The following PUS1 variants were observed in gnomAD, a reference collection of about 807,000 sequenced individuals.
PUS1 encodes pseudouridine synthase 1.
A neutral mutation model predicts 38.5 loss-of-function variants in PUS1; 25 were observed. The ratio of observed to expected loss-of-function variants is 0.65; its 90% CI spans 0.47 to 0.91. PUS1 has a LOEUF of 0.91. Among genes scored for constraint, PUS1 ranks in the 40% least tolerant of loss-of-function variants. PUS1 has a pLI of 0.00. For missense variants in PUS1, 597 were observed against 612.3 expected, an observed-to-expected ratio of 0.97 and a Z score of 0.26; for synonymous variants, 282 against 260.4, an observed-to-expected ratio of 1.08 and a Z score of -0.80.
chr12:131,943,282 CCT>C (rs1442571372), intron 5 of PUS1, among the ~76,000 whole-genome samples: 1 of 152,222 alleles, frequency 6.6e-6, no homozygotes, highest in Non-Finnish European at 1.5e-5. Context: ...TTTATTTTCC[CCT>C]GTGGTCAGTG....
At chr12:131,931,089 A>G (rs1216106572) in intron 2 of PUS1, among the ~76,000 whole-genome samples, 1 of 152,258 alleles carries the variant, frequency 6.6e-6, no homozygotes, top group Non-Finnish European at 1.5e-5. Context: ...GACTGAAACA[A>G]AAGTTTAAGA....
intron 3 of PUS1, among the ~76,000 whole-genome samples, chr12:131,937,290 TGAGCACCCACATAGTCTTCC>T (rs1890873540): frequency 6.6e-6 from 1 of 152,216 alleles, no homozygotes; most frequent in South Asian, 2.1e-4. Context: ...GTGGGTGCCA[TGAGCACCCACATAGTCTTCC>T]CAGATTCACC....
Position 131,939,023 on chromosome 12 carries a change from G to A in PUS1, c.442-150G>A, listed in dbSNP as rs971781066. 11 of 689,286 alleles carry A rather than the reference G, an allele frequency of 1.6e-5. No homozygotes were observed. The South Asian group carries it at 1.7e-4, about 11-fold the overall frequency. The allele number at this position is 689,286 out of a possible 1,614,324, so 42.7% of individuals were successfully genotyped here. A position where few individuals can be genotyped will look rare whatever the true frequency, so the allele number is the denominator to read the frequency against. On this transcript the variant is annotated intron_variant, in intron 3 of 5. Coordinates refer to ENST00000376649, the MANE Select transcript of PUS1 (RefSeq NM_025215.6). Reference sequence around the variant, plus strand: ...CCCAAAGTACTGGGATTACAGGCGTGAGCCACTATGCCCGGCCCTCCAGAT... The same window carrying A: ...CCCAAAGTACTGGGATTACAGGCGTAAGCCACTATGCCCGGCCCTCCAGAT...
Position 131,941,884 on chromosome 12 carries a change from C to T in PUS1, c.1137C>T (p.Gly379=), listed in dbSNP as rs1891091996. 1.2e-6 allele frequency: 2 copies of T among 1,613,562 alleles called. No homozygotes were observed. The highest frequency in any genetic ancestry group is 1.7e-6 in the Non-Finnish European group (2 of 1,180,042). Reference sequence around the variant, plus strand: ...AGCACATCTACCCCACCATCATCGGCACCGAGCGGGACGAACGCTCCATGG... The same window carrying T: ...AGCACATCTACCCCACCATCATCGGTACCGAGCGGGACGAACGCTCCATGG... ...KEEHIYPTII[G]TERDERSMAQ... The change falls in exon 5 of 6, where the codon GGC becomes GGT. Residue 379 remains glycine, a synonymous_variant. Transcript: ENST00000376649. This position sits in a 1 kb window ranked among gnomAD's most constrained non-coding sequence, Gnocchi z 4.4.
At chr12:131,938,596 C>T (rs1890930623) in intron 3 of PUS1, among the ~76,000 whole-genome samples, 1 of 152,182 alleles carries the variant, frequency 6.6e-6, no homozygotes. Flanking sequence ...CAGAAGGCCC[C>T]TCCCTTTCCT....
chr12:131,929,941 C>G lies in PUS1; in HGVS notation c.109C>G (p.Pro37Ala). 1 of 1,490,514 alleles carries G rather than the reference C, an allele frequency of 6.7e-7. No individual in the cohort carries two copies. Among genetic ancestry groups the G allele is most frequent in the Non-Finnish European group, 8.9e-7 (1 of 1,128,224 alleles). The allele number at this position is 1,490,514 out of a possible 1,614,324, so 92.3% of individuals were successfully genotyped here. A position where few individuals can be genotyped will look rare whatever the true frequency, so the allele number is the denominator to read the frequency against. The change falls in exon 2 of 6, where the codon CCC becomes GCC. Residue 37 changes from proline (P) to alanine (A), a missense_variant. By Grantham distance (27) the Pro-to-Ala change is conservative. Transcript: ENST00000376649. ...CATGGCCGGGAACGCGGAGCCGCCG[C>G]CCGCCGGAGCCGCATGCCCCCAGGA... Reference protein sequence around the residue: ...PRMAGNAEPPPAGAACPQDRR... With the variant: ...PRMAGNAEPPAAGAACPQDRR...
chr12:131,943,011 G>T (rs1891157588), intron 5 of PUS1, among the ~76,000 whole-genome samples: 1 of 152,260 alleles, frequency 6.6e-6, no homozygotes, highest in Admixed American at 6.5e-5. Context: ...TCGTGGCTCA[G>T]TGGCAGCTGG....
chr12:131,942,722 T>C (rs1462062592), intron 5 of PUS1, among the ~76,000 whole-genome samples: 1 of 152,188 alleles, frequency 6.6e-6, no homozygotes, highest in Non-Finnish European at 1.5e-5. Flanking sequence ...AGTTCTTTCA[T>C]GGTGGCCCAG....
intron 3 of PUS1, among the ~76,000 whole-genome samples, chr12:131,934,401 C>T (rs907398413): frequency 5.9e-5 from 9 of 152,168 alleles, no homozygotes; most frequent in African/African-American, 2.2e-4. Context: ...TCAAGCGACC[C>T]TTATCTGGGC....
chr12:131,936,430 G>GCC (rs1890836369), intron 3 of PUS1, among the ~76,000 whole-genome samples: 2 of 36,630 alleles, frequency 5.5e-5, no homozygotes, highest in African/African-American at 8.9e-5. Flanking sequence ...AGGTGTGGTG[G>GCC]TGCACGCCTG....
At chr12:131,930,241 G>T in intron 2 of PUS1, 106 bp downstream of exon 2, 1 of 640,094 alleles carries the variant, frequency 1.6e-6, no homozygotes, top group Non-Finnish European at 2.3e-6. Context: ...CGGTCGCCCA[G>T]GTAGCGGCGG....
chr12:131,943,731 T>C lies in PUS1; in HGVS notation c.*145T>C, dbSNP rs1891187194. 3 of 704,348 alleles carry C rather than the reference T, an allele frequency of 4.3e-6. No individual in the cohort carries two copies. The highest frequency in any genetic ancestry group is 2.6e-6 in the Non-Finnish European group (1 of 386,988). 43.6% of individuals were successfully genotyped at this position (704,348 alleles called of 1,614,324 possible). A position where few individuals can be genotyped will look rare whatever the true frequency, so the allele number is the denominator to read the frequency against. On this transcript the variant is annotated 3_prime_UTR_variant, in exon 6 of 6. Transcript: ENST00000376649. ...GGCGTTGTAACCTCAGGACCTTCCC[T>C]TGTAGGAACAGCCTTTCTCGAATCT... is the stretch of plus-strand genomic sequence containing the variant.
chr12:131,941,110 C>T lies in PUS1; in HGVS notation c.545-182C>T, dbSNP rs1050830535. The T allele has an allele frequency of 2.3e-5, 14 of 617,954 alleles. No individual in the cohort carries two copies. Among genetic ancestry groups the T allele is most frequent in the Non-Finnish European group, 2.9e-5 (10 of 344,008 alleles). The allele number at this position is 617,954 out of a possible 1,614,324, so 38.3% of individuals were successfully genotyped here. A position where few individuals can be genotyped will look rare whatever the true frequency, so the allele number is the denominator to read the frequency against. On this transcript the variant is annotated intron_variant, in intron 4 of 5. Transcript: ENST00000376649. The surrounding 1 kb of genome is among the most constrained non-coding windows in gnomAD (Gnocchi z 4.4). ...CACTGCACCTGTCCCTCCTGTCCAT[C>T]GTCCTCCTGTGCCTGTTCCCCAGCC...
rs1450242303 is a variant in PUS1, at chr12:131,944,337, A to G, written c.*751A>G. ...GAGACCAGCCTGACCAGCATGGAGA[A>G]ACCCCGTCTCTACTAAAAATACAAA... On this transcript the variant is annotated 3_prime_UTR_variant, in exon 6 of 6. Coordinates refer to ENST00000376649, the MANE Select transcript of PUS1 (RefSeq NM_025215.6). The G allele has an allele frequency of 1.3e-5, 2 of 151,934 alleles. No individual in the cohort carries two copies. The highest frequency in any genetic ancestry group is 1.3e-4 in the Admixed American group (2 of 15,238). The allele number at this position is 151,934 out of a possible 1,614,324, so 9.4% of individuals were successfully genotyped here.
At chr12:131,933,511 C>T (rs1279414367) in intron 3 of PUS1, among the ~76,000 whole-genome samples, 1 of 152,232 alleles carries the variant, frequency 6.6e-6, no homozygotes, top group Non-Finnish European at 1.5e-5. Flanking sequence ...GTCTCAGCTG[C>T]ATGGGGCTGG....
chr12:131,936,175 C>T (rs1375013420), intron 3 of PUS1, among the ~76,000 whole-genome samples: 1 of 148,774 alleles, frequency 6.7e-6, no homozygotes. Flanking sequence ...GGTGCCACTG[C>T]ACTGCAGCCC....
Position 131,930,089 on chromosome 12 carries a change from T to A in PUS1, c.257T>A (p.Ile86Asn), listed in dbSNP as rs1890529298. Reference sequence around the variant, plus strand: ...CGCGAGAAGCCGCCCAAGCGGAAGATCGTGCTGCTCATGGCCTATTCGGGC... The same window carrying A: ...CGCGAGAAGCCGCCCAAGCGGAAGAACGTGCTGCTCATGGCCTATTCGGGC... ...ERREKPPKRK[I>N]VLLMAYSGKG... Residue 86 changes from isoleucine to asparagine, a missense_variant, in exon 2 of 6, where the codon ATC (isoleucine) becomes AAC (asparagine). By Grantham distance (149) the Ile-to-Asn change is moderately radical. Coordinates refer to ENST00000376649, the MANE Select transcript of PUS1 (RefSeq NM_025215.6). 4 of 1,443,968 alleles carry A rather than the reference T, an allele frequency of 2.8e-6. No individual in the cohort carries two copies. Among genetic ancestry groups the A allele is most frequent in the African/African-American group, 3.0e-5 (2 of 67,478 alleles). 89.4% of individuals were successfully genotyped at this position (1,443,968 alleles called of 1,614,324 possible).
intron 4 of PUS1, among the ~76,000 whole-genome samples, chr12:131,939,789 A>C (rs1317358921): frequency 2.6e-5 from 4 of 151,994 alleles, no homozygotes; most frequent in African/African-American, 9.7e-5. Context: ...CTGGGACTAC[A>C]GGTGTGTGCC....
intron 3 of PUS1, among the ~76,000 whole-genome samples, chr12:131,934,157 G>A (rs944598153): frequency 6.6e-6 from 1 of 152,244 alleles, no homozygotes; most frequent in Non-Finnish European, 1.5e-5. Flanking sequence ...CAGGAGCCAG[G>A]TGTGCAGGTG....
Sources: allele counts gnomAD v4.1 joint callset (sites outside exome capture counted in the v4.1 genomes callset), GRCh38; gene constraint gnomAD v4.1.1; non-coding constraint Gnocchi (gnomAD v3.1); transcripts MANE v1.5; gene names NCBI Gene and HGNC (gene_info 2026-07-23, HGNC 2026-07-21).